The following CACNA2D4 variants were observed in gnomAD, a reference collection of about 807,000 sequenced individuals.
CACNA2D4 encodes calcium voltage-gated channel auxiliary subunit alpha2delta 4, also known as voltage-dependent calcium channel subunit alpha-2/delta-4.
A neutral mutation model predicts 163.8 loss-of-function variants in CACNA2D4; 157 were observed. That is an observed-to-expected ratio of 0.96 (90% CI 0.84 to 1.09). The LOEUF is 1.09. Ranked by LOEUF, CACNA2D4 falls within the 50% of genes least tolerant of loss-of-function variation. The pLI, the probability that CACNA2D4 is intolerant of heterozygous loss-of-function variation, is 0.00. For synonymous variants in CACNA2D4, 598 were observed against 586.9 expected, an observed-to-expected ratio of 1.02 and a Z score of -0.27; for missense variants, 1,410 against 1,479.9, an observed-to-expected ratio of 0.95 and a Z score of 0.78.
chr12:1,850,271 G>A (rs565292283), intron 23 of CACNA2D4, among the ~76,000 whole-genome samples: 19 of 152,186 alleles, frequency 1.2e-4, no homozygotes, highest in East Asian at 3.8e-4. Flanking sequence ...TCTGAGAGGC[G>A]AGAAGTCCAA....
chr12:1,892,384 C>A (rs1866306576), intron 6 of CACNA2D4, among the ~76,000 whole-genome samples: 1 of 152,118 alleles, frequency 6.6e-6, no homozygotes, highest in African/African-American at 2.4e-5. Context: ...AATTCATCAC[C>A]ACTAGACTTG....
At chr12:1,884,921 C>T (rs745819983) in intron 10 of CACNA2D4, 40 bp from the exon 11 acceptor site, 1 of 1,600,308 alleles carries the variant, frequency 6.2e-7, no homozygotes, top group African/African-American at 1.3e-5. Context: ...ACAGGCCAAG[C>T]CCACCCCCCT....
chr12:1,818,634 G>A (rs915950576), intron 26 of CACNA2D4, among the ~76,000 whole-genome samples: 2 of 151,136 alleles, frequency 1.3e-5, no homozygotes, highest in African/African-American at 2.5e-5. Context: ...CAAACACTGC[G>A]GAAGGCCGCA....
At position 1,799,784 on chromosome 12, in the gene CACNA2D4, A is replaced by T; in HGVS notation, c.2975-89T>A. 6.7e-7 allele frequency: 1 copy of T among 1,484,516 alleles called. No individual in the cohort carries two copies. 92.0% of individuals were successfully genotyped at this position (1,484,516 alleles called of 1,614,324 possible). A position where few individuals can be genotyped will look rare whatever the true frequency, so the allele number is the denominator to read the frequency against. ...GGCAGGATGTCATGGGGTGGTGATG[A>T]TGGCACATGGAGTGGCGGTGTCCCA... is the stretch of plus-strand genomic sequence containing the variant. On this transcript the variant is annotated intron_variant, in intron 33 of 37. Coordinates refer to ENST00000382722, the MANE Select transcript of CACNA2D4 (RefSeq NM_172364.5). This position sits in a 1 kb window ranked among gnomAD's most constrained non-coding sequence, Gnocchi z 4.7.
intron 1 of CACNA2D4, among the ~76,000 whole-genome samples, chr12:1,916,136 G>A (rs145165789): frequency 3.3e-5 from 5 of 152,242 alleles, no homozygotes; most frequent in East Asian, 1.9e-4. Flanking sequence ...CGTGACTTCC[G>A]GGCTTCCAGT....
At chr12:1,848,296 A>C (rs1048040361) in intron 23 of CACNA2D4, among the ~76,000 whole-genome samples, 2 of 152,186 alleles carry the variant, frequency 1.3e-5, no homozygotes, top group African/African-American at 4.8e-5. Context: ...CAGAGCGACA[A>C]AGGGCGCTTG....
At chr12:1,827,183 G>C (rs1208176109) in intron 26 of CACNA2D4, among the ~76,000 whole-genome samples, 1 of 152,090 alleles carries the variant, frequency 6.6e-6, no homozygotes, top group Non-Finnish European at 1.5e-5. Flanking sequence ...CCAGTCCCCT[G>C]TCCCCCTCTC....
rs139492727 is a variant in CACNA2D4, at chr12:1,799,406, C to A, written c.2995+269G>T. Among the ~76,000 whole-genome samples the A allele has an allele frequency of 4.0e-4, 61 of 152,324 alleles. No individual in the cohort carries two copies. The highest frequency in any genetic ancestry group is 1.4e-3 in the African/African-American group (59 of 41,582). ...CTGGCTCATGGCCACCCGGCCACAC[C>A]ACCGGCTTCCTCTTGGAATCTTACG... On this transcript the variant is annotated intron_variant, in intron 34 of 37. Transcript: ENST00000382722. The surrounding 1 kb of genome is among the most constrained non-coding windows in gnomAD (Gnocchi z 4.7).
intron 37 of CACNA2D4, among the ~76,000 whole-genome samples, 175 bp from the exon 38 acceptor site, chr12:1,793,934 G>GC (rs1471362160): frequency 6.6e-6 from 1 of 152,166 alleles, no homozygotes. Context: ...GCAAAGGCTG[G>GC]CCCCTCAGCC....
intron 6 of CACNA2D4, among the ~76,000 whole-genome samples, chr12:1,906,847 T>G (rs1490285500): frequency 1.3e-5 from 2 of 152,248 alleles, no homozygotes; most frequent in African/African-American, 4.8e-5. Context: ...TCTGGTTTCC[T>G]GTTTCAGAAA....
intron 16 of CACNA2D4, among the ~76,000 whole-genome samples, chr12:1,877,354 C>T (rs921100193): frequency 6.6e-6 from 1 of 152,146 alleles, no homozygotes; most frequent in Non-Finnish European, 1.5e-5. Flanking sequence ...GGCTGTCCCC[C>T]GCAGAACCCC....
intron 37 of CACNA2D4, among the ~76,000 whole-genome samples, chr12:1,794,783 G>A (rs1344259123): frequency 6.6e-6 from 1 of 152,194 alleles, no homozygotes; most frequent in Non-Finnish European, 1.5e-5. Flanking sequence ...GCCTCATTAT[G>A]ATCATTGATT....
chr12:1,818,275 A>C (rs1249533117), intron 26 of CACNA2D4, among the ~76,000 whole-genome samples: 1 of 151,916 alleles, frequency 6.6e-6, no homozygotes, highest in East Asian at 1.9e-4. Flanking sequence ...AGGTGTGCCC[A>C]ACAGCTCATT....
chr12:1,849,967 C>T (rs1241892719), intron 23 of CACNA2D4, among the ~76,000 whole-genome samples: 1 of 152,158 alleles, frequency 6.6e-6, no homozygotes, highest in East Asian at 1.9e-4. Context: ...TGTAACTAGG[C>T]TCCCACTGAT....
At chr12:1,795,801 C>T (rs1863104629) in intron 35 of CACNA2D4, 21 bp from the exon 36 acceptor site, 2 of 1,490,856 alleles carry the variant, frequency 1.3e-6, no homozygotes, top group South Asian at 2.3e-5. Context: ...GAAAGGGAGT[C>T]GAGGATGGCT....
chr12:1,873,013 T>A (rs1865816484), intron 18 of CACNA2D4, among the ~76,000 whole-genome samples: 1 of 152,180 alleles, frequency 6.6e-6, no homozygotes, highest in Non-Finnish European at 1.5e-5. Context: ...GCTTTGCAGT[T>A]GATCATCTGG....
intron 20 of CACNA2D4, among the ~76,000 whole-genome samples, 160 bp downstream of exon 20, chr12:1,858,417 G>A (rs978984379): frequency 1.2e-4 from 18 of 152,208 alleles, no homozygotes; most frequent in Admixed American, 2.0e-4. Context: ...GGACACACAC[G>A]CCCCTCTCCA....
chr12:1,861,399 C>T (rs149107115), intron 18 of CACNA2D4, among the ~76,000 whole-genome samples: 4 of 151,882 alleles, frequency 2.6e-5, no homozygotes, highest in African/African-American at 9.7e-5. Context: ...CTCCAAGGAG[C>T]AGCTGGCTGG....
Position 1,913,131 on chromosome 12 carries a change from C to G in CACNA2D4, c.318G>C (p.Lys106Asn), listed in dbSNP as rs528334716. The stretch of plus-strand genomic sequence containing the variant: ...CGATCTTCAGACTGGACTCCACATC[C>G]TTGTACTTCTGTTTGGGGAAAGTGG... ...SGSLLLQKKY[K>N]DVESSLKIEE... Residue 106 changes from lysine to asparagine, a missense_variant, in exon 3 of 38, where the codon AAG becomes AAC. Transcript: ENST00000382722. 2.5e-6 allele frequency: 4 copies of G among 1,611,682 alleles called. No individual in the cohort carries two copies. Among genetic ancestry groups the G allele is most frequent in the Non-Finnish European group, 3.4e-6 (4 of 1,177,768 alleles).
Sources: allele counts gnomAD v4.1 joint callset (sites outside exome capture counted in the v4.1 genomes callset), GRCh38; gene constraint gnomAD v4.1.1; non-coding constraint Gnocchi (gnomAD v3.1); transcripts MANE v1.5; gene names NCBI Gene and HGNC (gene_info 2026-07-23, HGNC 2026-07-21).